Variants in PCDHGA7 observed in about 807,000 individuals in gnomAD.
The protein encoded by PCDHGA7 is protocadherin gamma subfamily A, 7.
A neutral mutation model predicts 58.3 loss-of-function variants in PCDHGA7; 44 were observed. The observed-to-expected ratio is 0.75, with a 90% CI of 0.59 to 0.97. The LOEUF (loss-of-function observed/expected upper bound fraction) is 0.97. Ranked by LOEUF, PCDHGA7 falls within the 50% of genes least tolerant of loss-of-function variation. The probability of loss-of-function intolerance (pLI) is 0.00; values close to 1 mark genes in which losing one functional copy is unlikely to be tolerated. For synonymous variants in PCDHGA7, 516 were observed against 504.2 expected (o/e 1.02, Z -0.31); for missense variants, 1,266 against 1,188.7 (o/e 1.06, Z -0.96).
chr5:141,498,565 G>C (rs2099784348), intron 2 of PCDHGA7, among the ~76,000 whole-genome samples: 1 of 152,044 alleles, frequency 6.6e-6, no homozygotes. Context: ...CTTCAAAGCA[G>C]GGCTAGTATT....
chr5:141,457,193 A>G (rs2154565853), intron 1 of PCDHGA7, among the ~76,000 whole-genome samples: 1 of 152,356 alleles, frequency 6.6e-6, no homozygotes, highest in African/African-American at 2.4e-5. Flanking sequence ...GAGTGAGGAA[A>G]GCAGTTCCCA....
chr5:141,398,528 C>T (rs1355149152), intron 1 of PCDHGA7: 2 of 1,613,386 alleles, frequency 1.2e-6, no homozygotes, highest in Non-Finnish European at 1.7e-6. Flanking sequence ...CCAAAATTCA[C>T]GCAAAATTCC....
At position 141,394,582 on chromosome 5, in the gene PCDHGA7, A is replaced by C. The variant is rs1459158771; in HGVS notation, c.2424+9259A>C. The C allele has an allele frequency of 2.5e-6, 4 of 1,613,598 alleles. No individual in the cohort carries two copies. In the African/African-American group the frequency reaches 4.0e-5, roughly 16 times the overall value. ...GCAGAGCGTGGCTACCTGGTGACCA[A>C]GGTGGTGGCGGTGGACAGAGACTCG... On this transcript the variant is annotated intron_variant, in intron 1 of 3. Coordinates refer to ENST00000518325, the MANE Select transcript of PCDHGA7 (RefSeq NM_018920.4).
At chr5:141,458,820 C>T (rs2098954225) in intron 1 of PCDHGA7, among the ~76,000 whole-genome samples, 1 of 152,070 alleles carries the variant, frequency 6.6e-6, no homozygotes, top group African/African-American at 2.4e-5. Flanking sequence ...GCAACCTCTG[C>T]CTCCCAGGCT....
chr5:141,438,579 CATACATACATACATAT>C (rs1360889040), intron 1 of PCDHGA7, among the ~76,000 whole-genome samples: 18 of 55,776 alleles, frequency 3.2e-4, no homozygotes, highest in Non-Finnish European at 5.1e-4. Context: ...GATATACATA[CATACATACATACATAT>C]ATATATATAT....
chr5:141,494,751 G>C (rs2099756509), intron 1 of PCDHGA7, 56 bp from the exon 2 acceptor site: 2 of 1,613,426 alleles, frequency 1.2e-6, no homozygotes, highest in African/African-American at 1.3e-5. Flanking sequence ...AGGGGCTCGG[G>C]TGACATTCTA....
intron 1 of PCDHGA7, among the ~76,000 whole-genome samples, chr5:141,492,641 G>A (rs2099742804): frequency 6.6e-6 from 1 of 152,226 alleles, no homozygotes; most frequent in African/African-American, 2.4e-5. Flanking sequence ...ACGATCCTTG[G>A]GCCAGAGGTC....
At chr5:141,394,109 G>A (rs764779834) in intron 1 of PCDHGA7, 3 of 1,613,898 alleles carry the variant, frequency 1.9e-6, no homozygotes, top group East Asian at 4.5e-5. Flanking sequence ...CACCACCTCT[G>A]TCCACTGAAA....
At chr5:141,414,668 A>C in intron 1 of PCDHGA7, 1 of 1,613,856 alleles carries the variant, frequency 6.2e-7, no homozygotes, top group East Asian at 2.2e-5. Context: ...CTGGCTGAAG[A>C]CACCATCCAG....
chr5:141,389,604 G>A, intron 1 of PCDHGA7: 1 of 1,613,156 alleles, frequency 6.2e-7, no homozygotes, highest in Non-Finnish European at 8.5e-7. Flanking sequence ...TGCGCTCTTC[G>A]ATATGGTGCC....
At chr5:141,385,670 C>A in intron 1 of PCDHGA7, 1 of 420,128 alleles carries the variant, frequency 2.4e-6, no homozygotes, top group Non-Finnish European at 3.4e-6. Flanking sequence ...GAATAAAACA[C>A]ACCTCAGCTG....
intron 1 of PCDHGA7, chr5:141,390,721 T>G (rs1454628810): frequency 5.1e-6 from 1 of 195,622 alleles, no homozygotes; most frequent in African/African-American, 2.4e-5. Context: ...CTTAACTAAT[T>G]TAACTGGTAT....
At chr5:141,498,971 G>GGGAGGGAAGGAAGGAAGGAA (rs2099787588) in intron 2 of PCDHGA7, among the ~76,000 whole-genome samples, 11 of 111,048 alleles carry the variant, frequency 9.9e-5, no homozygotes, top group African/African-American at 3.2e-4. Context: ...GAGGGAGGGA[G>GGGAGGGAAGGAAGGAAGGAA]GGAAGGAAGG....
chr5:141,506,165 C>T (rs1359711670), intron 3 of PCDHGA7, among the ~76,000 whole-genome samples: 8 of 152,038 alleles, frequency 5.3e-5, no homozygotes, highest in South Asian at 2.1e-4. Context: ...AAGAGCACAG[C>T]CTAAGCTGGG....
intron 1 of PCDHGA7, chr5:141,390,071 CTG>C: frequency 1.2e-6 from 2 of 1,614,084 alleles, no homozygotes; most frequent in Middle Eastern, 1.6e-4. Context: ...AGCCTGGTCT[CTG>C]TGTTAAATCC....
At chr5:141,421,564 G>T (rs2096583836) in intron 1 of PCDHGA7, 2 of 1,613,864 alleles carry the variant, frequency 1.2e-6, no homozygotes, top group Admixed American at 3.3e-5. Flanking sequence ...TCTCGTGGAA[G>T]ACACCTTGAA....
chr5:141,389,331 G>A (rs1212558688), intron 1 of PCDHGA7: 15 of 1,613,986 alleles, frequency 9.3e-6, no homozygotes, highest in Middle Eastern at 1.6e-4. Context: ...GGGGCCCAAC[G>A]GCCAAGTCTC....
chr5:141,503,377 A>G lies in PCDHGA7; in HGVS notation c.2484-2016A>G, dbSNP rs534841057. Among the ~76,000 whole-genome samples, 4 of 152,142 alleles carry G rather than the reference A, an allele frequency of 2.6e-5. No homozygotes were observed. In the East Asian group the frequency reaches 7.8e-4, roughly 30 times the overall value. The stretch of plus-strand genomic sequence containing the variant: ...TTTGGGAAGCGGAGGCAGGTGGATC[A>G]TGAGGTCAGGAGTTCGAAACCAACC... On this transcript the variant is annotated intron_variant, in intron 2 of 3. Coordinates refer to ENST00000518325, the MANE Select transcript of PCDHGA7 (RefSeq NM_018920.4).
chr5:141,393,613 G>A, intron 1 of PCDHGA7: 1 of 1,613,926 alleles, frequency 6.2e-7, no homozygotes, highest in Non-Finnish European at 8.5e-7. Flanking sequence ...GTAACAGCCA[G>A]CGACCCGGAT....
Sources: allele counts gnomAD v4.1 joint callset (sites outside exome capture counted in the v4.1 genomes callset), GRCh38; gene constraint gnomAD v4.1.1; transcripts MANE v1.5; gene names NCBI Gene and HGNC (gene_info 2026-07-23, HGNC 2026-07-21).